Variants in HIVEP3 observed in about 807,000 individuals in gnomAD.
HIVEP3 encodes the protein HIVEP zinc finger 3.
In HIVEP3, 49 loss-of-function variants were observed where a neutral mutation model predicts 152.8. The observed-to-expected ratio is 0.32, with a 90% CI of 0.26 to 0.41. HIVEP3 has a LOEUF of 0.41. Among genes scored for constraint, HIVEP3 ranks in the 10% least tolerant of loss-of-function variants. The probability of loss-of-function intolerance (pLI) is 1.00; values close to 1 mark genes in which losing one functional copy is unlikely to be tolerated. For synonymous variants in HIVEP3, 1,269 were observed against 1,289.0 expected (o/e 0.98, Z 0.33); for missense variants, 2,790 against 3,103.3 (o/e 0.90, Z 2.40).
At chr1:41,696,609 C>T (rs752903047) in intron 2 of HIVEP3, among the ~76,000 whole-genome samples, 17 of 152,372 alleles carry the variant, frequency 1.1e-4, no homozygotes, top group Non-Finnish European at 1.8e-4. Context: ...CGGGCAGGAG[C>T]GTGGCAGATG....
At chr1:41,574,830 CAT>C (rs1486118367) in intron 5 of HIVEP3, among the ~76,000 whole-genome samples, 1 of 152,220 alleles carries the variant, frequency 6.6e-6, no homozygotes, top group Non-Finnish European at 1.5e-5. Flanking sequence ...AGGAAGCAAA[CAT>C]GTGGCCACAC....
At chr1:41,712,006 C>T (rs539919684) in intron 1 of HIVEP3, among the ~76,000 whole-genome samples, 2 of 152,288 alleles carry the variant, frequency 1.3e-5, no homozygotes, top group African/African-American at 2.4e-5. Flanking sequence ...GTCGCTAATC[C>T]CAGAATGTCA....
chr1:41,712,316 G>A (rs1311162344), intron 1 of HIVEP3, among the ~76,000 whole-genome samples: 2 of 152,244 alleles, frequency 1.3e-5, no homozygotes, highest in African/African-American at 2.4e-5. Context: ...CCGTAAAGAT[G>A]CGCCCACTGC....
At chr1:41,931,242 A>G (rs1450102792) in intron 1 of HIVEP3, among the ~76,000 whole-genome samples, 1 of 151,934 alleles carries the variant, frequency 6.6e-6, no homozygotes, top group Non-Finnish European at 1.5e-5. Flanking sequence ...TTGTAGTTTC[A>G]TCTTTTACAT....
intron 1 of HIVEP3, among the ~76,000 whole-genome samples, chr1:41,738,319 C>T (rs1233531262): frequency 6.6e-6 from 1 of 152,188 alleles, no homozygotes; most frequent in Non-Finnish European, 1.5e-5. Flanking sequence ...ATCAGTAAAG[C>T]CCTGGGTTTC....
At chr1:41,896,555 G>C (rs897214170) in intron 1 of HIVEP3, among the ~76,000 whole-genome samples, 3 of 151,514 alleles carry the variant, frequency 2.0e-5, no homozygotes, top group Non-Finnish European at 4.4e-5. Flanking sequence ...ACTCAAAAAG[G>C]CATGCTTTTT....
chr1:41,816,868 C>G (rs990169283), intron 1 of HIVEP3, among the ~76,000 whole-genome samples: 2 of 152,162 alleles, frequency 1.3e-5, no homozygotes, highest in Non-Finnish European at 2.9e-5. Flanking sequence ...TAGCACTGTC[C>G]ACCTGGAAAA....
At chr1:41,956,530 C>T (rs1052346859) in intron 1 of HIVEP3, among the ~76,000 whole-genome samples, 4 of 152,180 alleles carry the variant, frequency 2.6e-5, no homozygotes, top group African/African-American at 9.7e-5. Context: ...GCTAATGGAG[C>T]AGCAGTACAA....
intron 2 of HIVEP3, among the ~76,000 whole-genome samples, chr1:41,642,179 T>A (rs895866366): frequency 2.6e-5 from 4 of 152,164 alleles, no homozygotes; most frequent in African/African-American, 9.6e-5. Flanking sequence ...AGCCCACCGA[T>A]CCATAGACCC....
intron 3 of HIVEP3, among the ~76,000 whole-genome samples, chr1:41,612,600 A>T (rs1301021490): frequency 6.6e-6 from 1 of 152,210 alleles, no homozygotes; most frequent in East Asian, 1.9e-4. Context: ...CAGGACTCTG[A>T]TTCTCCGTCC....
intron 2 of HIVEP3, among the ~76,000 whole-genome samples, chr1:41,650,274 G>A (rs1645527841): frequency 6.6e-6 from 1 of 152,178 alleles, no homozygotes; most frequent in South Asian, 2.1e-4. Flanking sequence ...AGACACGTGG[G>A]CGGTGACAGA....
chr1:41,891,755 A>G (rs1264633008), intron 1 of HIVEP3, among the ~76,000 whole-genome samples: 1 of 152,238 alleles, frequency 6.6e-6, no homozygotes, highest in African/African-American at 2.4e-5. Context: ...CTCAAGAGGC[A>G]GCCCTCCAGA....
chr1:41,643,141 C>T (rs564892134), intron 2 of HIVEP3, among the ~76,000 whole-genome samples: 140 of 152,320 alleles, frequency 9.2e-4, no homozygotes, highest in African/African-American at 3.3e-3. Flanking sequence ...TGGGTCTTCT[C>T]TCCATGCTGC....
chr1:41,682,024 A>C (rs927197926), intron 2 of HIVEP3, among the ~76,000 whole-genome samples: 1 of 151,624 alleles, frequency 6.6e-6, no homozygotes, highest in Admixed American at 6.6e-5. Context: ...TAATTGGAAA[A>C]GCTCTTCCCC....
chr1:41,577,054 C>T (rs781740951), intron 4 of HIVEP3, among the ~76,000 whole-genome samples: 2 of 152,154 alleles, frequency 1.3e-5, no homozygotes, highest in Non-Finnish European at 2.9e-5. Context: ...GTGCCTCCCA[C>T]AGGCAAACAG....
chr1:41,696,617 A>G (rs1299268878), intron 2 of HIVEP3, among the ~76,000 whole-genome samples: 3 of 152,236 alleles, frequency 2.0e-5, no homozygotes. Flanking sequence ...AGCGTGGCAG[A>G]TGGGCACCAA....
chr1:41,820,424 T>G (rs1166204249), intron 1 of HIVEP3, among the ~76,000 whole-genome samples: 1 of 152,124 alleles, frequency 6.6e-6, no homozygotes. Context: ...TAGCACCTCT[T>G]ATATTAATAC....
At chr1:41,858,050 G>C (rs566870565) in intron 1 of HIVEP3, among the ~76,000 whole-genome samples, 1 of 151,302 alleles carries the variant, frequency 6.6e-6, no homozygotes, top group Non-Finnish European at 1.5e-5. Flanking sequence ...CATTCAGGTT[G>C]CTTTAATGGT....
chr1:41,679,100 G>GC, intron 2 of HIVEP3, among the ~76,000 whole-genome samples: 1 of 152,324 alleles, frequency 6.6e-6, no homozygotes, highest in Non-Finnish European at 1.5e-5. Context: ...TCACGACTGG[G>GC]CATTTGGAAT....
Sources: allele counts gnomAD v4.1 joint callset (sites outside exome capture counted in the v4.1 genomes callset), GRCh38; gene constraint gnomAD v4.1.1; transcripts MANE v1.5; gene names NCBI Gene and HGNC (gene_info 2026-07-23, HGNC 2026-07-21).